HYCC2: variants seen among roughly 807,000 people sequenced by gnomAD.
HYCC2 encodes the protein hyccin 2.
At chr2:200,985,723 C>G in the HYCC2 span, among the ~76,000 whole-genome samples, 1 of 152,044 alleles carries the variant, frequency 6.6e-6, no homozygotes, top group Non-Finnish European at 1.5e-5. Context: ...AGGAAACATT[C>G]CTCTTTCCTT....
the HYCC2 span, chr2:201,022,859 T>A: frequency 6.2e-7 from 1 of 1,611,832 alleles, no homozygotes; most frequent in African/African-American, 1.3e-5. Context: ...AATAACTTTA[T>A]AGAGGGCTGG....
At chr2:200,973,947 C>T in the HYCC2 span, 2 of 152,014 alleles carry the variant, frequency 1.3e-5, no homozygotes, top group Non-Finnish European at 2.9e-5. Context: ...TCAACAGTGA[C>T]TACATTTCAC....
the HYCC2 span, among the ~76,000 whole-genome samples, chr2:201,057,701 G>T: frequency 6.6e-6 from 1 of 152,064 alleles, no homozygotes; most frequent in Admixed American, 6.5e-5. Flanking sequence ...GCCTTGTAGA[G>T]TTCCCTAAGA....
the HYCC2 span, chr2:201,023,653 T>G: frequency 2.5e-5 from 5 of 197,248 alleles, no homozygotes; most frequent in Non-Finnish European, 4.1e-5. Context: ...TAAATCCTAT[T>G]TTTGTGCCTT....
At chr2:201,013,093 A>G in the HYCC2 span, among the ~76,000 whole-genome samples, 3 of 152,256 alleles carry the variant, frequency 2.0e-5, no homozygotes, top group East Asian at 5.8e-4. Flanking sequence ...CATCACTGGC[A>G]TAAAATCCAT....
the HYCC2 span, chr2:200,988,436 TAA>T: frequency 6.2e-7 from 1 of 1,601,028 alleles, no homozygotes; most frequent in Non-Finnish European, 8.5e-7. Context: ...AATGATAATA[TAA>T]GTCTATACAA....
At chr2:201,014,185 T>C in the HYCC2 span, among the ~76,000 whole-genome samples, 6 of 152,232 alleles carry the variant, frequency 3.9e-5, no homozygotes, top group Admixed American at 3.9e-4. Flanking sequence ...ATGTGTCCCA[T>C]TATTGAATTT....
the HYCC2 span, chr2:200,975,029 C>G: frequency 6.6e-6 from 1 of 152,028 alleles, no homozygotes; most frequent in Middle Eastern, 3.4e-3. Context: ...GGAATTTCCC[C>G]CTTTTTATTC....
At chr2:201,048,680 G>C in the HYCC2 span, among the ~76,000 whole-genome samples, 1 of 151,936 alleles carries the variant, frequency 6.6e-6, no homozygotes, top group East Asian at 1.9e-4. Flanking sequence ...GATTAAACAA[G>C]AAGCACAGTC....
chr2:201,032,750 T>C, the HYCC2 span, among the ~76,000 whole-genome samples: 2 of 152,136 alleles, frequency 1.3e-5, no homozygotes, highest in African/African-American at 4.8e-5. Flanking sequence ...TCAAACTCCT[T>C]GGCTCAGTTG....
chr2:201,064,722 T>C, the HYCC2 span, among the ~76,000 whole-genome samples: 1 of 152,216 alleles, frequency 6.6e-6, no homozygotes, highest in Non-Finnish European at 1.5e-5. Flanking sequence ...GTATCATCCA[T>C]TATCATGTGT....
At chr2:201,048,092 T>C in the HYCC2 span, among the ~76,000 whole-genome samples, 2 of 152,172 alleles carry the variant, frequency 1.3e-5, no homozygotes, top group Middle Eastern at 6.8e-3. Flanking sequence ...TAGTGACAGT[T>C]CAAAACAGTA....
chr2:201,042,914 G>A, the HYCC2 span, among the ~76,000 whole-genome samples: 7 of 151,908 alleles, frequency 4.6e-5, no homozygotes, highest in South Asian at 2.1e-4. Context: ...CTGCCCGGCC[G>A]CCACCCCGTC....
chr2:201,033,149 A>ATGTGTG, the HYCC2 span, among the ~76,000 whole-genome samples: 37 of 114,826 alleles, frequency 3.2e-4, no homozygotes, highest in African/African-American at 1.1e-3. Context: ...AGCTATTTGT[A>ATGTGTG]TGTGTGTGTA....
chr2:201,014,335 AT>A, the HYCC2 span, among the ~76,000 whole-genome samples: 1 of 152,200 alleles, frequency 6.6e-6, no homozygotes, highest in African/African-American at 2.4e-5. Context: ...TATATAACAA[AT>A]TTCCTACTTG....
At chr2:201,017,853 C>T in the HYCC2 span, among the ~76,000 whole-genome samples, 2 of 152,108 alleles carry the variant, frequency 1.3e-5, no homozygotes, top group Admixed American at 1.3e-4. Flanking sequence ...ATGTCATTGT[C>T]TCTAAGTGCT....
At chr2:201,069,762 T>C in the HYCC2 span, among the ~76,000 whole-genome samples, 2 of 152,122 alleles carry the variant, frequency 1.3e-5, no homozygotes, top group South Asian at 4.1e-4. Flanking sequence ...TCAATAAAAA[T>C]TTTTATCTAA....
the HYCC2 span, among the ~76,000 whole-genome samples, chr2:201,046,426 G>C: frequency 1.3e-5 from 2 of 152,114 alleles, no homozygotes; most frequent in African/African-American, 4.8e-5. Flanking sequence ...TCTGCAGTGG[G>C]GGGGAAGAAC....
the HYCC2 span, among the ~76,000 whole-genome samples, chr2:201,027,179 T>C: frequency 6.6e-6 from 1 of 152,088 alleles, no homozygotes; most frequent in Non-Finnish European, 1.5e-5. Flanking sequence ...GAGAATACTA[T>C]AAACAATTCT....
Sources: allele counts gnomAD v4.1 joint callset (sites outside exome capture counted in the v4.1 genomes callset), GRCh38; gene constraint gnomAD v4.1.1; transcripts MANE v1.5; gene names NCBI Gene and HGNC (gene_info 2026-07-23, HGNC 2026-07-21).